TMEM117: variants seen among roughly 807,000 people sequenced by gnomAD.
The protein encoded by TMEM117 is transmembrane protein 117.
TMEM117 carries 27 observed loss-of-function variants against 52.4 expected under a neutral mutation model. That is an observed-to-expected ratio of 0.51 (90% CI 0.38 to 0.71). The LOEUF (loss-of-function observed/expected upper bound fraction) is 0.71, where lower values mean the gene tolerates loss of function less well. Ranked by LOEUF, TMEM117 falls within the 30% of genes least tolerant of loss-of-function variation. The probability of loss-of-function intolerance (pLI) is 0.00; values close to 1 mark genes in which losing one functional copy is unlikely to be tolerated. For missense variants in TMEM117, 556 were observed against 630.5 expected, an observed-to-expected ratio of 0.88 and a Z score of 1.26; for synonymous variants, 215 against 206.3, an observed-to-expected ratio of 1.04 and a Z score of -0.36.
At chr12:44,258,483 A>G (rs543394067) in intron 5 of TMEM117, among the ~76,000 whole-genome samples, 1 of 152,122 alleles carries the variant, frequency 6.6e-6, no homozygotes, top group Non-Finnish European at 1.5e-5. Context: ...AAATATTTTT[A>G]ACATTAAAGC....
intron 6 of TMEM117, among the ~76,000 whole-genome samples, chr12:44,363,169 A>G (rs1951745122): frequency 6.6e-6 from 1 of 152,226 alleles, no homozygotes; most frequent in Admixed American, 6.6e-5. Flanking sequence ...TCTTCTATTT[A>G]TAGCTGTATT....
chr12:44,253,405 C>T (rs576027444), intron 5 of TMEM117, among the ~76,000 whole-genome samples: 87 of 152,218 alleles, frequency 5.7e-4, no homozygotes, highest in Admixed American at 2.6e-3. Context: ...CCTAAGGGAA[C>T]ACCTTAAAAG....
chr12:44,377,879 C>T (rs1469677771), intron 7 of TMEM117, among the ~76,000 whole-genome samples: 7 of 152,204 alleles, frequency 4.6e-5, no homozygotes, highest in Admixed American at 2.0e-4. Context: ...AAGCATGAGG[C>T]GACCTTCCTA....
In TMEM117 at chr12:44,376,661, A is replaced by G. The variant is rs755739261; in HGVS notation, c.835A>G (p.Met279Val). The G allele has an allele frequency of 1.2e-6, 2 of 1,612,482 alleles. No individual in the cohort carries two copies. The highest frequency in any genetic ancestry group is 1.7e-6 in the Non-Finnish European group (2 of 1,179,364). The change falls in exon 7 of 8, where the codon ATG becomes GTG. Residue 279 changes from methionine (M) to valine (V), a missense_variant. Around this residue, in one of 3 missense-constraint regions of TMEM117, gnomAD observed 328 missense variants for 371.4 expected, o/e 0.88. Coordinates refer to ENST00000266534, the MANE Select transcript of TMEM117 (RefSeq NM_032256.3). ...VNLPGLHTPHMQFKIPFFQKI... is the reference protein window; with the variant it reads ...VNLPGLHTPHVQFKIPFFQKI... ...TCTCCCTGGTTTGCACACCCCTCAC[A>G]TGCAGTTCAAGATTCCTTTCTTCCA...
At chr12:43,817,088 T>C in the TMEM117 span, among the ~76,000 whole-genome samples, 4 of 152,212 alleles carry the variant, frequency 2.6e-5, no homozygotes, top group African/African-American at 9.6e-5. Flanking sequence ...TAAATACTGG[T>C]TTTAATATGC....
chr12:44,361,383 A>G (rs1951718486), intron 6 of TMEM117, among the ~76,000 whole-genome samples: 1 of 152,108 alleles, frequency 6.6e-6, no homozygotes, highest in Non-Finnish European at 1.5e-5. Context: ...CAATGGGTCC[A>G]TAGGGAACTT....
intron 7 of TMEM117, among the ~76,000 whole-genome samples, chr12:44,385,616 T>C (rs1240174689): frequency 6.6e-6 from 1 of 152,008 alleles, no homozygotes; most frequent in African/African-American, 2.4e-5. Flanking sequence ...AAATAAAAAT[T>C]TTATAAGGAG....
intron 5 of TMEM117, among the ~76,000 whole-genome samples, chr12:44,258,510 AG>A (rs1188701806): frequency 3.3e-5 from 5 of 152,296 alleles, no homozygotes; most frequent in African/African-American, 9.6e-5. Context: ...AGGAAAAAAA[AG>A]ATTAGAGTGT....
At chr12:44,177,486 A>G (rs150816234) in intron 4 of TMEM117, among the ~76,000 whole-genome samples, 148 of 152,278 alleles carry the variant, frequency 9.7e-4, no homozygotes, top group African/African-American at 3.4e-3. Flanking sequence ...TTCTGTGTTT[A>G]TTTGTGGCTG....
Position 44,299,698 on chromosome 12 carries a change from G to C in TMEM117, c.727G>C (p.Ala243Pro). ...TGATGAAGTTTCCAGAGCATTCCTT[G>C]CTTCTTTTATCTTGGTCTTTGACCT... Reference protein sequence around the residue: ...PSDEVSRAFLASFILVFDLLI... With the variant: ...PSDEVSRAFLPSFILVFDLLI... Residue 243 changes from alanine to proline, a missense_variant, in exon 6 of 8, where the codon GCT becomes CCT. Ala to Pro is a conservative substitution (Grantham distance 27, BLOSUM62 -1). Coordinates refer to ENST00000266534, the MANE Select transcript of TMEM117 (RefSeq NM_032256.3). 1 of 1,614,108 alleles carries C rather than the reference G, an allele frequency of 6.2e-7. No homozygotes were observed. Among genetic ancestry groups the C allele is most frequent in the South Asian group, 1.1e-5 (1 of 91,086 alleles).
chr12:44,254,744 A>G (rs910580965), intron 5 of TMEM117, among the ~76,000 whole-genome samples: 2 of 151,756 alleles, frequency 1.3e-5, no homozygotes, highest in Non-Finnish European at 2.9e-5. Context: ...TGCCATGTTG[A>G]TGTGCTGCAC....
At chr12:43,963,019 A>G (rs956996407) in intron 3 of TMEM117, among the ~76,000 whole-genome samples, 1 of 151,756 alleles carries the variant, frequency 6.6e-6, no homozygotes, top group African/African-American at 2.4e-5. Context: ...ATAGGAAATT[A>G]TATATATATC....
the TMEM117 span, chr12:43,806,310 A>AGGAAGTGGCTGCTCCCG: frequency 7.1e-7 from 1 of 1,416,964 alleles, no homozygotes; most frequent in Non-Finnish European, 9.2e-7. Flanking sequence ...CGGCGGCCCC[A>AGGAAGTGGCTGCTCCCG]GGAAGTGGCT....
chr12:43,906,867 T>TGCTA (rs1386856426), intron 2 of TMEM117, among the ~76,000 whole-genome samples: 1 of 152,232 alleles, frequency 6.6e-6, no homozygotes, highest in African/African-American at 2.4e-5. Flanking sequence ...TCTCGCTGAT[T>TGCTA]GCTAGCACAG....
downstream of TMEM117, among the ~76,000 whole-genome samples, chr12:44,390,209 C>T (rs1952153945): frequency 6.6e-6 from 1 of 151,652 alleles, no homozygotes; most frequent in Non-Finnish European, 1.5e-5. Flanking sequence ...GACACACACA[C>T]ACACACACAC....
intron 3 of TMEM117, among the ~76,000 whole-genome samples, chr12:44,059,300 C>T (rs566498676): frequency 1.1e-4 from 16 of 152,122 alleles, no homozygotes; most frequent in South Asian, 4.2e-4. Flanking sequence ...TAGAGGTACC[C>T]GCTTTCTTGT....
At chr12:43,949,369 G>T (rs558212200) in intron 3 of TMEM117, among the ~76,000 whole-genome samples, 2 of 152,288 alleles carry the variant, frequency 1.3e-5, no homozygotes, top group Admixed American at 1.3e-4. Flanking sequence ...TCTTCCCTTG[G>T]AGTGGACTGT....
chr12:43,836,027 G>A (rs1943020245), upstream of TMEM117: 1 of 151,294 alleles, frequency 6.6e-6, no homozygotes, highest in African/African-American at 2.4e-5. Context: ...CGGCGTAGGC[G>A]GCGGCGGGTG....
intron 2 of TMEM117, among the ~76,000 whole-genome samples, chr12:43,867,045 C>T (rs11182314): frequency 0.015 from 2,215 of 151,658 alleles, 54 homozygotes; most frequent in East Asian, 0.067. Context: ...AGCCAGATTG[C>T]GCCATTGCAC....
Sources: gnomAD v4.1 joint callset for allele counts (sites outside exome capture counted in the v4.1 genomes callset) on GRCh38, gnomAD v4.1.1 for gene constraint, gnomAD v4.1.1 regional missense constraint, MANE v1.5 for transcripts, NCBI Gene and HGNC (gene_info 2026-07-23, HGNC 2026-07-21) for gene names.